The following UGT1A7 variants were observed in gnomAD, a reference collection of about 807,000 sequenced individuals.
The protein encoded by UGT1A7 is UDP glucuronosyltransferase family 1 member A7.
UGT1A7 carries 33 observed loss-of-function variants against 45.6 expected under a neutral mutation model. The ratio of observed to expected loss-of-function variants is 0.72; its 90% CI spans 0.55 to 0.97. The LOEUF (loss-of-function observed/expected upper bound fraction) is 0.97. UGT1A7 is among the 50% of genes least tolerant of loss of function. UGT1A7 has a pLI of 0.00. For missense variants in UGT1A7, 684 were observed against 666.2 expected, an observed-to-expected ratio of 1.03 and a Z score of -0.29; for synonymous variants, 274 against 250.6, an observed-to-expected ratio of 1.09 and a Z score of -0.88.
At chr2:233,719,353 G>A in intron 1 of UGT1A7, 3 of 1,613,930 alleles carry the variant, frequency 1.9e-6, no homozygotes, top group Non-Finnish European at 2.5e-6. Flanking sequence ...TACATTCCAT[G>A]TGACTTAGAC....
At chr2:233,711,208 C>T (rs748889807) in intron 1 of UGT1A7, among the ~76,000 whole-genome samples, 9 of 152,240 alleles carry the variant, frequency 5.9e-5, no homozygotes, top group Admixed American at 1.3e-4. Context: ...CCTGCTCTCC[C>T]CAGTGCTCCC....
intron 1 of UGT1A7, chr2:233,748,136 T>A: frequency 6.2e-7 from 1 of 1,609,324 alleles, no homozygotes; most frequent in Non-Finnish European, 8.5e-7. Context: ...TTTTAAAAAT[T>A]GTATTTACTT....
Position 233,758,200 on chromosome 2 carries a change from T to C in UGT1A7, c.856-8834T>C, listed in dbSNP as rs184891359. Among the ~76,000 whole-genome samples the C allele has an allele frequency of 3.3e-4, 50 of 152,348 alleles. No homozygotes were observed. In the East Asian group the frequency reaches 9.2e-3, roughly 28 times the overall value. On this transcript the variant is annotated intron_variant, in intron 1 of 4. Coordinates refer to ENST00000373426, the MANE Select transcript of UGT1A7 (RefSeq NM_019077.3). ...AGATATTAATTGGATTGCTTAGTAGTGGTTCTCTGTTGTAATTCATGAGCA... is the reference window on the plus strand; with the variant it reads ...AGATATTAATTGGATTGCTTAGTAGCGGTTCTCTGTTGTAATTCATGAGCA...
intron 1 of UGT1A7, chr2:233,755,184 T>C: frequency 8.4e-7 from 1 of 1,195,602 alleles, no homozygotes. Context: ...GGGGTGCCAC[T>C]TGAGCGCCAG....
chr2:233,754,899 C>A, intron 1 of UGT1A7: 2 of 1,352,028 alleles, frequency 1.5e-6, no homozygotes, highest in Non-Finnish European at 2.0e-6. Flanking sequence ...CCTCTGACCC[C>A]CCAAAATATT....
intron 1 of UGT1A7, among the ~76,000 whole-genome samples, chr2:233,764,578 C>T (rs146266932): frequency 2.0e-4 from 31 of 152,244 alleles, no homozygotes; most frequent in African/African-American, 6.5e-4. Flanking sequence ...AACTTAGACT[C>T]GGCCTTTTCC....
intron 1 of UGT1A7, among the ~76,000 whole-genome samples, chr2:233,707,312 T>C (rs1475084674): frequency 1.3e-5 from 2 of 152,156 alleles, no homozygotes; most frequent in African/African-American, 4.8e-5. Flanking sequence ...GTTTGTTACA[T>C]AGCTAAACAT....
chr2:233,728,946 G>T (rs1229319811), intron 1 of UGT1A7, among the ~76,000 whole-genome samples: 2 of 148,876 alleles, frequency 1.3e-5, no homozygotes, highest in Non-Finnish European at 2.9e-5. Context: ...TCCAGGGTGG[G>T]GCCCACAGTG....
chr2:233,682,847 G>T, intron 1 of UGT1A7, 55 bp downstream of exon 1: 9 of 1,540,244 alleles, frequency 5.8e-6, no homozygotes, highest in Non-Finnish European at 7.8e-6. Flanking sequence ...GAAATTAAAA[G>T]ATTTCTTACA....
At chr2:233,706,901 C>T (rs976577483) in intron 1 of UGT1A7, among the ~76,000 whole-genome samples, 2 of 152,168 alleles carry the variant, frequency 1.3e-5, no homozygotes, top group African/African-American at 4.8e-5. Flanking sequence ...AGGCATTTTA[C>T]AATCCTAGCT....
Position 233,772,549 on chromosome 2 carries a change from A to G in UGT1A7, c.1583A>G (p.Lys528Arg), listed in dbSNP as rs1196632178. Residue 528 changes from lysine to arginine, a missense_variant, in exon 5 of 5, where the codon AAG (lysine) becomes AGG (arginine). By Grantham distance (26) the Lys-to-Arg change is conservative (BLOSUM62 2). Coordinates refer to ENST00000373426, the MANE Select transcript of UGT1A7 (RefSeq NM_019077.3). ...CGAGTTAAGAAAGCCCACAAATCCA[A>G]GACCCATTGAGAAGTGGGTGGGAAA... ...KGRVKKAHKS[K>R]TH 6.2e-7 allele frequency: 1 copy of G among 1,614,094 alleles called. No individual in the cohort carries two copies. The highest frequency in any genetic ancestry group is 8.5e-7 in the Non-Finnish European group (1 of 1,179,962).
intron 1 of UGT1A7, among the ~76,000 whole-genome samples, chr2:233,709,149 T>G (rs2076060708): frequency 6.6e-6 from 1 of 152,102 alleles, no homozygotes; most frequent in Non-Finnish European, 1.5e-5. Flanking sequence ...ACGTGCTGAT[T>G]GGTTGAGGCC....
At chr2:233,748,791 G>A (rs576937034) in intron 1 of UGT1A7, among the ~76,000 whole-genome samples, 1 of 151,524 alleles carries the variant, frequency 6.6e-6, no homozygotes, top group Admixed American at 6.6e-5. Flanking sequence ...TACTTGGAAT[G>A]CTGAAATTAT....
intron 1 of UGT1A7, among the ~76,000 whole-genome samples, chr2:233,702,811 A>G (rs1473655443): frequency 6.6e-6 from 1 of 152,162 alleles, no homozygotes; most frequent in Non-Finnish European, 1.5e-5. Context: ...GAATAATCCC[A>G]CTTGATTGTG....
At chr2:233,716,356 C>G (rs1029133275) in intron 1 of UGT1A7, among the ~76,000 whole-genome samples, 1 of 152,180 alleles carries the variant, frequency 6.6e-6, no homozygotes, top group Admixed American at 6.5e-5. Flanking sequence ...AATGTAGATA[C>G]TTTGTGGGGC....
chr2:233,713,182 A>G (rs935339991), intron 1 of UGT1A7: 1 of 1,614,228 alleles, frequency 6.2e-7, no homozygotes, highest in Non-Finnish European at 8.5e-7. Context: ...CTCACCCTGG[A>G]GGTGAATATG....
Position 233,772,728 on chromosome 2 carries a change from C to T in UGT1A7, c.*169C>T, listed in dbSNP as rs1029569602. 2.4e-5 allele frequency: 35 copies of T among 1,446,106 alleles called. No homozygotes were observed. The highest frequency in any genetic ancestry group is 8.7e-5 in the South Asian group (6 of 68,994). The allele number at this position is 1,446,106 out of a possible 1,614,324, so 89.6% of individuals were successfully genotyped here. A position where few individuals can be genotyped will look rare whatever the true frequency, so the allele number is the denominator to read the frequency against. ...TTCTCTTAAATAAAAATAATAGACT[C>T]GCTAGTCAGTAAAGATATTTGAATA... On this transcript the variant is annotated 3_prime_UTR_variant, in exon 5 of 5. Coordinates refer to ENST00000373426, the MANE Select transcript of UGT1A7 (RefSeq NM_019077.3).
intron 1 of UGT1A7, among the ~76,000 whole-genome samples, chr2:233,731,764 G>C (rs533999102): frequency 6.6e-6 from 1 of 152,196 alleles, no homozygotes; most frequent in East Asian, 1.9e-4. Context: ...TGTGTCCTTA[G>C]AGTAGTATCA....
At chr2:233,759,078 G>A (rs997941103) in intron 1 of UGT1A7, among the ~76,000 whole-genome samples, 3 of 152,214 alleles carry the variant, frequency 2.0e-5, no homozygotes, top group Non-Finnish European at 4.4e-5. Flanking sequence ...TTGGAAGAAA[G>A]AGACTTTGTT....
Sources: allele counts gnomAD v4.1 joint callset (sites outside exome capture counted in the v4.1 genomes callset), GRCh38; gene constraint gnomAD v4.1.1; transcripts MANE v1.5; gene names NCBI Gene and HGNC (gene_info 2026-07-23, HGNC 2026-07-21).